Variants in KLHDC10 observed in about 807,000 individuals in gnomAD.
KLHDC10 encodes kelch domain containing 10.
A neutral mutation model predicts 56.1 loss-of-function variants in KLHDC10; 24 were observed. The ratio of observed to expected loss-of-function variants is 0.43; its 90% CI spans 0.31 to 0.60. KLHDC10 has a LOEUF of 0.60. KLHDC10 is among the 20% of genes least tolerant of loss of function. The probability of loss-of-function intolerance (pLI) is 0.11; values close to 1 mark genes in which losing one functional copy is unlikely to be tolerated. For synonymous variants in KLHDC10, 188 were observed against 207.1 expected (o/e 0.91, Z 0.79); for missense variants, 349 against 567.0 (o/e 0.62, Z 3.91).
intron 1 of KLHDC10, among the ~76,000 whole-genome samples, chr7:130,082,759 CTAAGG>C (rs1244066689): frequency 6.6e-6 from 1 of 152,188 alleles, no homozygotes; most frequent in Non-Finnish European, 1.5e-5. Flanking sequence ...AGTGCTCTTA[CTAAGG>C]TAATAACGTC....
chr7:130,108,572 A>AAAAAAAAAAAAAAAAAAAAAT (rs1405437913), intron 2 of KLHDC10, among the ~76,000 whole-genome samples: 3 of 144,006 alleles, frequency 2.1e-5, no homozygotes, highest in African/African-American at 7.9e-5. Context: ...AAAAAAAAAA[A>AAAAAAAAAAAAAAAAAAAAAT]AGCTGGGCGT....
intron 1 of KLHDC10, among the ~76,000 whole-genome samples, chr7:130,088,003 C>T (rs1795715713): frequency 6.6e-6 from 1 of 151,970 alleles, no homozygotes; most frequent in Non-Finnish European, 1.5e-5. Context: ...TCAAGTGATC[C>T]ACCTGCCTCG....
At position 130,120,079 on chromosome 7, in the gene KLHDC10, G is replaced by A. The variant is rs1002415198; in HGVS notation, c.476-670G>A. Reference sequence around the variant, plus strand: ...GATTAAAATGACAGAAACCATAATTGTAAATTTAGAAATCATTCTCCTGGC... The same window carrying A: ...GATTAAAATGACAGAAACCATAATTATAAATTTAGAAATCATTCTCCTGGC... On this transcript the variant is annotated intron_variant, in intron 3 of 9. Coordinates refer to ENST00000335420, the MANE Select transcript of KLHDC10 (RefSeq NM_014997.4). This position sits in a 1 kb window ranked among gnomAD's most constrained non-coding sequence, Gnocchi z 5.1. Among the ~76,000 whole-genome samples, 4 of 152,122 alleles carry A rather than the reference G, an allele frequency of 2.6e-5. No individual in the cohort carries two copies. Among genetic ancestry groups the A allele is most frequent in the Non-Finnish European group, 5.9e-5 (4 of 68,014 alleles).
chr7:130,091,154 A>G (rs1795767292), intron 1 of KLHDC10, among the ~76,000 whole-genome samples: 1 of 152,116 alleles, frequency 6.6e-6, no homozygotes. Context: ...GTTTGTGTAC[A>G]GGTTTTTGTG....
chr7:130,128,919 T>TATATATAC lies in KLHDC10; in HGVS notation c.980-517_980-516insTATATACA, dbSNP rs1292651924. 3.4e-4 allele frequency among the ~76,000 whole-genome samples: 39 copies of TATATATAC among 115,692 alleles called. 1 individual carries two copies. Among genetic ancestry groups the TATATATAC allele is most frequent in the African/African-American group, 1.0e-3 (29 of 28,550 alleles). 75.9% of individuals were successfully genotyped at this position (115,692 alleles called of 152,430 possible). ...ATATATATATATATATATATATATATACATACTAGCCAAAACTTAAAAATC... is the reference window on the plus strand; with the variant it reads ...ATATATATATATATATATATATATATATATATACACATACTAGCCAAAACTTAAAAATC... On this transcript the variant is annotated intron_variant, in intron 8 of 9. Transcript: ENST00000335420.
At chr7:130,108,226 C>CA (rs1326695276) in intron 2 of KLHDC10, among the ~76,000 whole-genome samples, 9 of 142,306 alleles carry the variant, frequency 6.3e-5, no homozygotes, top group South Asian at 4.5e-4. Flanking sequence ...AGACTTGTCT[C>CA]AAAAAAAAAG....
At chr7:130,076,894 CTTTG>C (rs890427289) in intron 1 of KLHDC10, among the ~76,000 whole-genome samples, 11 of 152,032 alleles carry the variant, frequency 7.2e-5, no homozygotes, top group Non-Finnish European at 1.2e-4. Context: ...GGGAAGTTTT[CTTTG>C]TTTATTTTTC....
chr7:130,127,147 A>G (rs1204341312), intron 7 of KLHDC10, among the ~76,000 whole-genome samples: 1 of 152,244 alleles, frequency 6.6e-6, no homozygotes, highest in Non-Finnish European at 1.5e-5. Flanking sequence ...CCTTGTGGGT[A>G]AAAGGGCTTG....
At chr7:130,095,627 AGGTGATG>A (rs1280345448) in intron 1 of KLHDC10, among the ~76,000 whole-genome samples, 2 of 152,194 alleles carry the variant, frequency 1.3e-5, no homozygotes, top group African/African-American at 4.8e-5. Flanking sequence ...GCAAATGTGC[AGGTGATG>A]CCATTTCATT....
Position 130,086,426 on chromosome 7 carries a change from G to T in KLHDC10, c.167-10495G>T, listed in dbSNP as rs141220388. 6.1e-3 allele frequency among the ~76,000 whole-genome samples: 936 copies of T among 152,244 alleles called. 9 individuals carry two copies. The highest frequency in any genetic ancestry group is 0.021 in the African/African-American group (873 of 41,542). ...TACATAAACTTGGTAAAATCAAATC[G>T]TATGCAAGAGGAGAAAGTGTCCCTT... On this transcript the variant is annotated intron_variant, in intron 1 of 9. Coordinates refer to ENST00000335420, the MANE Select transcript of KLHDC10 (RefSeq NM_014997.4).
At chr7:130,072,404 A>G (rs746240679) in intron 1 of KLHDC10, among the ~76,000 whole-genome samples, 2 of 152,224 alleles carry the variant, frequency 1.3e-5, no homozygotes, top group Non-Finnish European at 2.9e-5. Flanking sequence ...CCCTTAGCAC[A>G]CAAGACCAAG....
In KLHDC10 at chr7:130,073,153, G is replaced by T. The variant is rs190940881; in HGVS notation, c.166+2344G>T. ...AAAGTCCAAGGTGGGAGGATCACTT[G>T]AGCCTAGGAGTTCAAGGCCAGCCTG... On this transcript the variant is annotated intron_variant, in intron 1 of 9. Coordinates refer to ENST00000335420, the MANE Select transcript of KLHDC10 (RefSeq NM_014997.4). Among the ~76,000 whole-genome samples the T allele has an allele frequency of 4.8e-3, 733 of 152,094 alleles. 6 individuals are homozygous for T. The highest frequency in any genetic ancestry group is 0.017 in the African/African-American group (685 of 41,482).
At chr7:130,122,804 T>G (rs1796265908) in intron 5 of KLHDC10, among the ~76,000 whole-genome samples, 1 of 152,224 alleles carries the variant, frequency 6.6e-6, no homozygotes, top group Admixed American at 6.5e-5. Flanking sequence ...GCCCTTGGCT[T>G]CCCAGAGTGT....
Position 130,093,006 on chromosome 7 carries a change from CT to C in KLHDC10, c.167-3904del, listed in dbSNP as rs35856642. Among the ~76,000 whole-genome samples the C allele has an allele frequency of 3.4e-3, 484 of 142,450 alleles. 3 individuals carry two copies. The highest frequency in any genetic ancestry group is 0.011 in the Admixed American group (164 of 14,316). The allele number at this position is 142,450 out of a possible 152,430, so 93.5% of individuals were successfully genotyped here. A position where few individuals can be genotyped will look rare whatever the true frequency, so the allele number is the denominator to read the frequency against. On this transcript the variant is annotated intron_variant, in intron 1 of 9. Transcript: ENST00000335420. ...ATTTCTTGTTTTCTTTTAATTATGT[CT>C]TTTTTTTTTTAATGACTTTTTTTTG...
intron 7 of KLHDC10, 55 bp downstream of exon 7, chr7:130,125,986 C>A: frequency 7.7e-7 from 1 of 1,295,666 alleles, no homozygotes. Context: ...TATACTTTTA[C>A]TCATTTTGGA....
chr7:130,130,151 A>G lies in KLHDC10; in HGVS notation c.1120-386A>G, dbSNP rs1449198165. On this transcript the variant is annotated intron_variant, in intron 9 of 9. Coordinates refer to ENST00000335420, the MANE Select transcript of KLHDC10 (RefSeq NM_014997.4). This position sits in a 1 kb window ranked among gnomAD's most constrained non-coding sequence, Gnocchi z 4.2. ...CTAACACGGATGAAACCCCATCTCT[A>G]CTAAAAATACAAAAAAAAATTAGCC... Among the ~76,000 whole-genome samples, 4 of 151,846 alleles carry G rather than the reference A, an allele frequency of 2.6e-5. No homozygotes were observed. The East Asian group carries it at 7.7e-4, about 29-fold the overall frequency.
chr7:130,125,647 A>G (rs1796306093), intron 6 of KLHDC10, among the ~76,000 whole-genome samples: 1 of 152,224 alleles, frequency 6.6e-6, no homozygotes, highest in Non-Finnish European at 1.5e-5. Context: ...AAAGCAAAAG[A>G]AAAGAAAGAC....
intron 1 of KLHDC10, among the ~76,000 whole-genome samples, chr7:130,086,304 GCTTA>G (rs1795689622): frequency 6.6e-6 from 1 of 152,154 alleles, no homozygotes; most frequent in South Asian, 2.1e-4. Context: ...TAAAGGTTAC[GCTTA>G]CTTAAAATAT....
At chr7:130,072,068 T>G (rs1226544162) in intron 1 of KLHDC10, among the ~76,000 whole-genome samples, 1 of 152,134 alleles carries the variant, frequency 6.6e-6, no homozygotes, top group African/African-American at 2.4e-5. Flanking sequence ...AGACTGGGCA[T>G]CCTAGAATTG....
Sources: allele counts gnomAD v4.1 joint callset (sites outside exome capture counted in the v4.1 genomes callset), GRCh38; gene constraint gnomAD v4.1.1; non-coding constraint Gnocchi (gnomAD v3.1); transcripts MANE v1.5; gene names NCBI Gene and HGNC (gene_info 2026-07-23, HGNC 2026-07-21).